The following STYK1 variants were observed in gnomAD, a reference collection of about 807,000 sequenced individuals.
The protein encoded by STYK1 is tyrosine-protein kinase STYK1.
Under a neutral mutation model 48.1 loss-of-function variants are expected in STYK1, and 46 were observed. The ratio of observed to expected loss-of-function variants is 0.96; its 90% CI spans 0.75 to 1.22. The LOEUF is 1.22. Among genes scored for constraint, STYK1 ranks in the 50% most tolerant of loss-of-function variants. STYK1 has a pLI of 0.00. For synonymous variants in STYK1, 188 were observed against 189.0 expected, an observed-to-expected ratio of 0.99 and a Z score of 0.04; for missense variants, 527 against 521.1, an observed-to-expected ratio of 1.01 and a Z score of -0.11.
intron 1 of STYK1, among the ~76,000 whole-genome samples, chr12:10,647,820 A>T (rs1591692289): frequency 6.6e-6 from 1 of 152,120 alleles, no homozygotes; most frequent in Non-Finnish European, 1.5e-5. Context: ...TGGTTTTATA[A>T]AGGGGAGTTT....
chr12:10,628,046 G>A (rs1947380359), intron 6 of STYK1, among the ~76,000 whole-genome samples: 1 of 152,226 alleles, frequency 6.6e-6, no homozygotes, highest in African/African-American at 2.4e-5. Context: ...GCACACATGT[G>A]TTCATGATTA....
chr12:10,652,196 C>A (rs930035955), intron 1 of STYK1, among the ~76,000 whole-genome samples: 12 of 152,132 alleles, frequency 7.9e-5, no homozygotes, highest in African/African-American at 2.9e-4. Context: ...GAAAATTCAC[C>A]AGACTCTAAT....
At chr12:10,648,716 A>G (rs557405048) in intron 1 of STYK1, among the ~76,000 whole-genome samples, 1 of 151,670 alleles carries the variant, frequency 6.6e-6, no homozygotes, top group African/African-American at 2.4e-5. Flanking sequence ...TGCAGACTTG[A>G]TCTCCCGGGT....
chr12:10,620,430 C>G (rs1392353491), intron 10 of STYK1, 82 bp from the exon 11 acceptor site: 2 of 1,287,066 alleles, frequency 1.6e-6, no homozygotes, highest in East Asian at 4.7e-5. Flanking sequence ...CAAACTTTAA[C>G]AAACAACTCT....
intron 1 of STYK1, among the ~76,000 whole-genome samples, chr12:10,643,271 A>G (rs1947564517): frequency 6.6e-6 from 1 of 152,212 alleles, no homozygotes; most frequent in Admixed American, 6.5e-5. Flanking sequence ...TGCTACTAAT[A>G]TAAAAGCCTC....
intron 1 of STYK1, among the ~76,000 whole-genome samples, chr12:10,670,785 T>G (rs560274519): frequency 6.6e-6 from 1 of 151,032 alleles, no homozygotes; most frequent in East Asian, 1.9e-4. Context: ...TAGCTTAATT[T>G]AACTATTCCA....
At chr12:10,644,865 A>G (rs1419104997) in intron 1 of STYK1, among the ~76,000 whole-genome samples, 1 of 152,134 alleles carries the variant, frequency 6.6e-6, no homozygotes, top group Non-Finnish European at 1.5e-5. Context: ...GGAAGTCTGG[A>G]CCAGAGATAA....
Position 10,624,850 on chromosome 12 carries a change from G to C in STYK1, c.727C>G (p.Gln243Glu), listed in dbSNP as rs751556780. The C allele has an allele frequency of 1.9e-6, 3 of 1,613,894 alleles. No individual in the cohort carries two copies. The highest frequency in any genetic ancestry group is 1.7e-6 in the Non-Finnish European group (2 of 1,179,936). Reference protein sequence around the residue: ...KQVLLALEFLQEKHLFHGDVA... With the variant: ...KQVLLALEFLEEKHLFHGDVA... ...TCCCCATGGAACAAATGCTTCTCCTGCAGGAATTCCTGTCAAGATAAAATC... is the reference window on the plus strand; with the variant it reads ...TCCCCATGGAACAAATGCTTCTCCTCCAGGAATTCCTGTCAAGATAAAATC... The change falls in exon 8 of 11, where the codon CAG (glutamine) becomes GAG (glutamate). Residue 243 changes from glutamine to glutamate, a missense_variant. By Grantham distance (29) the Gln-to-Glu change is conservative. Transcript: ENST00000075503.
chr12:10,628,470 T>C (rs1005281204), intron 6 of STYK1, among the ~76,000 whole-genome samples: 3 of 152,212 alleles, frequency 2.0e-5, no homozygotes, highest in Admixed American at 6.5e-5. Context: ...CTAGTGCAGT[T>C]AGAGGACAAA....
chr12:10,655,195 T>C (rs1042349774), intron 1 of STYK1, among the ~76,000 whole-genome samples: 2 of 152,194 alleles, frequency 1.3e-5, no homozygotes, highest in Non-Finnish European at 2.9e-5. Flanking sequence ...GGAGGTACCT[T>C]GGGATAGAAC....
At chr12:10,664,220 C>T (rs1406135173) in intron 1 of STYK1, among the ~76,000 whole-genome samples, 1 of 152,110 alleles carries the variant, frequency 6.6e-6, no homozygotes, top group East Asian at 1.9e-4. Context: ...GCTCATTTTC[C>T]CCTGACAGAC....
chr12:10,665,100 TG>T (rs1947820575), intron 1 of STYK1, among the ~76,000 whole-genome samples: 1 of 152,130 alleles, frequency 6.6e-6, no homozygotes, highest in Non-Finnish European at 1.5e-5. Flanking sequence ...CAAGGTCACT[TG>T]GGGTTATGGG....
intron 1 of STYK1, among the ~76,000 whole-genome samples, chr12:10,650,266 G>C (rs1211427424): frequency 1.3e-5 from 2 of 151,948 alleles, no homozygotes; most frequent in African/African-American, 4.8e-5. Flanking sequence ...TCCAACTGTA[G>C]TAAAGGAGAA....
At position 10,636,502 on chromosome 12, in the gene STYK1, G is replaced by A. The variant is rs971784656; in HGVS notation, c.-69+569C>T. ...CAAAATGGCAAGGAGAAATGTGGCT[G>A]AGAAAGCTTCCACAATTCATGAGGC... On this transcript the variant is annotated intron_variant, in intron 2 of 10. Coordinates refer to ENST00000075503, the MANE Select transcript of STYK1 (RefSeq NM_018423.3). Among the ~76,000 whole-genome samples, 7 of 152,290 alleles carry A rather than the reference G, an allele frequency of 4.6e-5. No homozygotes were observed. The East Asian group carries it at 1.4e-3, about 29-fold the overall frequency.
chr12:10,652,227 T>C (rs1947669798), intron 1 of STYK1, among the ~76,000 whole-genome samples: 1 of 152,232 alleles, frequency 6.6e-6, no homozygotes, highest in Non-Finnish European at 1.5e-5. Context: ...AGATTCTACA[T>C]TGGCAGCCAC....
intron 3 of STYK1, among the ~76,000 whole-genome samples, 183 bp downstream of exon 3, chr12:10,634,384 C>G (rs1462170435): frequency 1.3e-5 from 2 of 152,188 alleles, no homozygotes; most frequent in Non-Finnish European, 2.9e-5. Context: ...GATGCAGCAT[C>G]TGGATCACTG....
At chr12:10,640,549 G>C (rs1055642958) in intron 1 of STYK1, 2 of 152,124 alleles carry the variant, frequency 1.3e-5, no homozygotes, top group Non-Finnish European at 2.9e-5. Context: ...GAGACCCAGG[G>C]ATCGAAATGA....
chr12:10,649,780 G>GT (rs1287539302), intron 1 of STYK1, among the ~76,000 whole-genome samples: 1 of 152,152 alleles, frequency 6.6e-6, no homozygotes, highest in African/African-American at 2.4e-5. Context: ...AAGAACTAGT[G>GT]TTTAGAATTA....
chr12:10,650,119 CAAAAAAAAAAAAAA>C (rs71051518), intron 1 of STYK1, among the ~76,000 whole-genome samples: 1 of 51,296 alleles, frequency 1.9e-5, no homozygotes, highest in African/African-American at 7.7e-5. Context: ...GACTCTGTCT[CAAAAAAAAAAAAAA>C]AAAAAAAAAA....
Sources: gnomAD v4.1 joint callset for allele counts (sites outside exome capture counted in the v4.1 genomes callset) on GRCh38, gnomAD v4.1.1 for gene constraint, MANE v1.5 for transcripts, NCBI Gene and HGNC (gene_info 2026-07-23, HGNC 2026-07-21) for gene names.